Variants in DENND4C observed in about 807,000 individuals in gnomAD.
DENND4C encodes DENN domain containing 4C.
A neutral mutation model predicts 203.0 loss-of-function variants in DENND4C; 108 were observed. The ratio of observed to expected loss-of-function variants is 0.53; its 90% CI spans 0.46 to 0.62. DENND4C has a LOEUF of 0.62. DENND4C is among the 20% of genes least tolerant of loss of function. The pLI, the probability that DENND4C is intolerant of heterozygous loss-of-function variation, is 0.00. For synonymous variants in DENND4C, 871 were observed against 792.4 expected, an observed-to-expected ratio of 1.10 and a Z score of -1.67; for missense variants, 2,481 against 2,301.2, an observed-to-expected ratio of 1.08 and a Z score of -1.60.
chr9:19,317,391 A>G (rs1373671678), intron 12 of DENND4C, among the ~76,000 whole-genome samples: 1 of 152,018 alleles, frequency 6.6e-6, no homozygotes, highest in Admixed American at 6.6e-5. Flanking sequence ...TTTTTGACTA[A>G]TGTAACTTTG....
intron 30 of DENND4C, among the ~76,000 whole-genome samples, chr9:19,369,583 C>G (rs1828363372): frequency 6.6e-6 from 1 of 151,910 alleles, no homozygotes; most frequent in South Asian, 2.1e-4. Flanking sequence ...CCTGGGCAAC[C>G]TGGTGAGACC....
chr9:19,231,985 C>G (rs1477691274), intron 1 of DENND4C, among the ~76,000 whole-genome samples: 1 of 152,134 alleles, frequency 6.6e-6, no homozygotes, highest in African/African-American at 2.4e-5. Context: ...GTGTATTACT[C>G]TATCAGAAAT....
intron 1 of DENND4C, among the ~76,000 whole-genome samples, chr9:19,246,522 G>A (rs957742601): frequency 1.3e-5 from 2 of 152,156 alleles, no homozygotes; most frequent in African/African-American, 4.8e-5. Context: ...GGGATTGCAG[G>A]TGTGAGCCAC....
chr9:19,319,180 T>A (rs1484451776), intron 12 of DENND4C, among the ~76,000 whole-genome samples: 3 of 148,000 alleles, frequency 2.0e-5, no homozygotes, highest in Non-Finnish European at 4.5e-5. Flanking sequence ...AAAAAATATA[T>A]GTATATATAT....
chr9:19,259,505 C>CTTTTTTTTTTTTT (rs1021585159), intron 1 of DENND4C, among the ~76,000 whole-genome samples: 2 of 131,478 alleles, frequency 1.5e-5, no homozygotes, highest in African/African-American at 2.8e-5. Flanking sequence ...TTTCTTTTTT[C>CTTTTTTTTTTTTT]TTTTTTTTTT....
At chr9:19,360,613 T>G (rs1826259360) in intron 29 of DENND4C, 124 bp downstream of exon 29, 1 of 1,319,230 alleles carries the variant, frequency 7.6e-7, no homozygotes, top group South Asian at 1.3e-5. Flanking sequence ...ACTTAAAAGT[T>G]TGGATAAGCA....
At chr9:19,327,895 AG>A (rs977077484) in intron 15 of DENND4C, 134 bp from the exon 16 acceptor site, 1 of 872,544 alleles carries the variant, frequency 1.1e-6, no homozygotes, top group African/African-American at 1.7e-5. Context: ...ATTTTGAAAA[AG>A]TATTTTTTCT....
intron 1 of DENND4C, among the ~76,000 whole-genome samples, chr9:19,248,923 T>C (rs1396971888): frequency 6.6e-6 from 1 of 151,956 alleles, no homozygotes; most frequent in Non-Finnish European, 1.5e-5. Context: ...CCAGAGTAGC[T>C]GGGATTACAG....
chr9:19,263,016 A>G (rs1829737661), intron 1 of DENND4C, among the ~76,000 whole-genome samples: 1 of 152,184 alleles, frequency 6.6e-6, no homozygotes, highest in Admixed American at 6.5e-5. Flanking sequence ...TGTGTTTCAT[A>G]TCTTAGAGGA....
intron 4 of DENND4C, among the ~76,000 whole-genome samples, chr9:19,290,245 G>A (rs1836017471): frequency 6.6e-6 from 1 of 152,122 alleles, no homozygotes; most frequent in Admixed American, 6.5e-5. Flanking sequence ...CATGTTGCAT[G>A]CCTTTTACAC....
In DENND4C at chr9:19,360,426, G is replaced by C. The variant is rs1484538071; in HGVS notation, c.5343G>C (p.Leu1781Phe). ...ACCTCGTTTGGTATTTCAGACGTTT[G>C]GACCTTCCTAGTAACTTGCCAGGAC... The part of the protein sequence containing the change: ...FWNLVWYFRR[L>F]DLPSNLPGLI... Residue 1781 changes from leucine (L) to phenylalanine (F), a missense_variant, in exon 29 of 33, where the codon TTG becomes TTC. By Grantham distance (22) the Leu-to-Phe change is conservative (BLOSUM62 0). This residue lies in a region of DENND4C where 2,289 missense variants were observed against 2,113.3 expected (regional missense o/e 1.08). Coordinates refer to ENST00000434457, the MANE Select transcript of DENND4C (RefSeq NM_001330640.2). The C allele has an allele frequency of 6.2e-7, 1 of 1,614,038 alleles. No individual in the cohort carries two copies. The highest frequency in any genetic ancestry group is 1.1e-5 in the South Asian group (1 of 91,072).
At chr9:19,340,184 C>T (rs1406516932) in intron 20 of DENND4C, among the ~76,000 whole-genome samples, 1 of 144,402 alleles carries the variant, frequency 6.9e-6, no homozygotes, top group African/African-American at 2.4e-5. Context: ...CATAGTGTTA[C>T]TGCTTCTAAA....
chr9:19,242,611 C>G (rs568041734), intron 1 of DENND4C, among the ~76,000 whole-genome samples: 1 of 150,828 alleles, frequency 6.6e-6, no homozygotes, highest in African/African-American at 2.4e-5. Context: ...TTGATTGTAG[C>G]TATTCTAATA....
At chr9:19,336,863 A>G (rs767234236) in intron 20 of DENND4C, 31 bp downstream of exon 20, 2 of 1,533,278 alleles carry the variant, frequency 1.3e-6, no homozygotes, top group African/African-American at 2.8e-5. Flanking sequence ...CTAACCCTTC[A>G]CTTACTCTCA....
At chr9:19,329,740 A>G (rs1818663766) in intron 16 of DENND4C, among the ~76,000 whole-genome samples, 1 of 152,204 alleles carries the variant, frequency 6.6e-6, no homozygotes, top group Admixed American at 6.6e-5. Flanking sequence ...GGTTATAACC[A>G]TCTAGTGAGT....
At chr9:19,343,756 C>T (rs1300558484) in intron 22 of DENND4C, among the ~76,000 whole-genome samples, 1 of 152,222 alleles carries the variant, frequency 6.6e-6, no homozygotes, top group African/African-American at 2.4e-5. Flanking sequence ...AGAATCCTCT[C>T]AAAATATTGA....
In DENND4C at chr9:19,276,285, T is replaced by A; in HGVS notation, c.111T>A (p.Thr37=). 11 of 1,232,108 alleles carry A rather than the reference T, an allele frequency of 8.9e-6. No individual in the cohort carries two copies. The highest frequency in any genetic ancestry group is 9.1e-6 in the Non-Finnish European group (9 of 987,918). The allele number at this position is 1,232,108 out of a possible 1,614,324, so 76.3% of individuals were successfully genotyped here. A position where few individuals can be genotyped will look rare whatever the true frequency, so the allele number is the denominator to read the frequency against. The change falls in exon 2 of 33, where the codon ACT becomes ACA. Residue 37 remains threonine, a synonymous_variant. Coordinates refer to ENST00000434457, the MANE Select transcript of DENND4C (RefSeq NM_001330640.2). ...QEINRLDTKS[T]GPKAPITDIA... ...TAAATCGTTTAGATACTAAGTCAACTGGACCTAAAGCTCCAATTACAGACA... is the reference window on the plus strand; with the variant it reads ...TAAATCGTTTAGATACTAAGTCAACAGGACCTAAAGCTCCAATTACAGACA...
intron 28 of DENND4C, 79 bp from the exon 29 acceptor site, chr9:19,360,165 G>T: frequency 2.2e-6 from 3 of 1,380,616 alleles, no homozygotes; most frequent in South Asian, 2.5e-5. Context: ...GGATAGAGAG[G>T]CATTATCTCA....
At chr9:19,287,085 C>T (rs1313048520) in intron 3 of DENND4C, 64 bp downstream of exon 3, 3 of 1,215,972 alleles carry the variant, frequency 2.5e-6, no homozygotes, top group Non-Finnish European at 3.1e-6. Flanking sequence ...GTTTTGGATT[C>T]CTGTTTACTG....
Sources: gnomAD v4.1 joint callset for allele counts (sites outside exome capture counted in the v4.1 genomes callset) on GRCh38, gnomAD v4.1.1 for gene constraint, gnomAD v4.1.1 regional missense constraint, MANE v1.5 for transcripts, NCBI Gene and HGNC (gene_info 2026-07-23, HGNC 2026-07-21) for gene names.